The following KIF13B variants were observed in gnomAD, a reference collection of about 807,000 sequenced individuals.
KIF13B encodes the protein kinesin family member 13B.
In KIF13B, 127 loss-of-function variants were observed where a neutral mutation model predicts 222.0. The ratio of observed to expected loss-of-function variants is 0.57; its 90% CI spans 0.50 to 0.66. KIF13B has a LOEUF of 0.66. KIF13B is among the 30% of genes least tolerant of loss of function. KIF13B has a pLI of 0.00. For missense variants in KIF13B, 2,173 were observed against 2,379.0 expected, an observed-to-expected ratio of 0.91 and a Z score of 1.80; for synonymous variants, 976 against 919.0, an observed-to-expected ratio of 1.06 and a Z score of -1.12.
At position 29,109,930 on chromosome 8, in the gene KIF13B, A is replaced by G; in HGVS notation, c.4071T>C (p.Asp1357=). The change falls in exon 33 of 40, where the codon GAT becomes GAC. Residue 1357 remains aspartate, a synonymous_variant. Coordinates refer to ENST00000524189, the MANE Select transcript of KIF13B (RefSeq NM_015254.4). ...GCGGTTGGCTAACCTGGCGCAGACG[A>G]TCTAAAGTCAGGAGGTTTTCTACAG... ...VLAVENLLTL[D]RLRQEVAVKE... 1 of 1,613,630 alleles carries G rather than the reference A, an allele frequency of 6.2e-7. No individual in the cohort carries two copies. The highest frequency in any genetic ancestry group is 1.1e-5 in the South Asian group (1 of 90,944).
intron 35 of KIF13B, among the ~76,000 whole-genome samples, chr8:29,106,337 TAA>T (rs531716993): frequency 7.2e-5 from 11 of 152,110 alleles, no homozygotes; most frequent in African/African-American, 2.4e-4. Context: ...ATCTAGATCT[TAA>T]AAGAGTCTAC....
intron 18 of KIF13B, 105 bp downstream of exon 18, chr8:29,146,273 T>C: frequency 8.7e-7 from 1 of 1,144,878 alleles, no homozygotes; most frequent in South Asian, 1.2e-5. Context: ...GGATCTGGAC[T>C]TGGGGCAGGC....
intron 10 of KIF13B, among the ~76,000 whole-genome samples, 181 bp downstream of exon 10, chr8:29,175,887 T>C (rs1011103717): frequency 2.0e-5 from 3 of 152,222 alleles, no homozygotes; most frequent in African/African-American, 7.2e-5. Flanking sequence ...AGGATGTGAA[T>C]TGCTAGGAAA....
intron 3 of KIF13B, among the ~76,000 whole-genome samples, chr8:29,195,551 C>A (rs1368677268): frequency 6.6e-6 from 1 of 152,166 alleles, no homozygotes; most frequent in African/African-American, 2.4e-5. Context: ...AAAAACAAAA[C>A]CCCAAGAATG....
intron 2 of KIF13B, among the ~76,000 whole-genome samples, chr8:29,233,301 C>T (rs569239646): frequency 6.6e-6 from 1 of 152,312 alleles, no homozygotes; most frequent in South Asian, 2.1e-4. Context: ...GCCACCCTAA[C>T]CCCAAAAGGA....
At chr8:29,182,984 A>G (rs1812775066) in intron 6 of KIF13B, among the ~76,000 whole-genome samples, 1 of 152,122 alleles carries the variant, frequency 6.6e-6, no homozygotes, top group Non-Finnish European at 1.5e-5. Context: ...TGTACTCCAT[A>G]AACATATACA....
chr8:29,116,738 C>A (rs955630658), intron 31 of KIF13B, 93 bp downstream of exon 31: 1 of 1,187,080 alleles, frequency 8.4e-7, no homozygotes, highest in East Asian at 2.5e-5. Context: ...CTTCCGGGAG[C>A]CTGTTTGGAC....
At chr8:29,140,333 A>G (rs2279444) in intron 20 of KIF13B, 135 bp downstream of exon 20, 233,238 of 1,379,352 alleles carry the variant, frequency 0.17, 21,335 homozygotes, top group Admixed American at 0.35. Flanking sequence ...CAGTTACTCT[A>G]CCCTAAGAGT....
At chr8:29,170,422 C>T (rs759447340) in intron 10 of KIF13B, among the ~76,000 whole-genome samples, 3 of 152,188 alleles carry the variant, frequency 2.0e-5, no homozygotes, top group Non-Finnish European at 4.4e-5. Flanking sequence ...AGGGAGGATG[C>T]TGGTAAGTAA....
chr8:29,218,296 T>G (rs1397001864), intron 2 of KIF13B, among the ~76,000 whole-genome samples: 1 of 152,170 alleles, frequency 6.6e-6, no homozygotes, highest in African/African-American at 2.4e-5. Context: ...GCCTAGGAAT[T>G]AGGTTAACCA....
At chr8:29,143,841 T>C (rs1810929446) in intron 18 of KIF13B, among the ~76,000 whole-genome samples, 1 of 151,456 alleles carries the variant, frequency 6.6e-6, no homozygotes, top group East Asian at 1.9e-4. Flanking sequence ...AGACTCTGTC[T>C]CAAAAAAAAT....
At chr8:29,106,307 G>A (rs1809064115) in intron 35 of KIF13B, among the ~76,000 whole-genome samples, 1 of 152,176 alleles carries the variant, frequency 6.6e-6, no homozygotes, top group Non-Finnish European at 1.5e-5. Flanking sequence ...ATGTATCATA[G>A]TGTAGGCAAA....
Position 29,214,800 on chromosome 8 carries a change from T to C in KIF13B, c.150-18601A>G, listed in dbSNP as rs1326115528. On this transcript the variant is annotated intron_variant, in intron 2 of 39. Coordinates refer to ENST00000524189, the MANE Select transcript of KIF13B (RefSeq NM_015254.4). ...TCACCATAAATGCATCAGTAATGCATAGCACTACAACTTTACCAATGGCTG... is the reference window on the plus strand; with the variant it reads ...TCACCATAAATGCATCAGTAATGCACAGCACTACAACTTTACCAATGGCTG... 1.3e-5 allele frequency among the ~76,000 whole-genome samples: 2 copies of C among 152,342 alleles called. 1 individual carries two copies. The highest frequency in any genetic ancestry group is 1.3e-4 in the Admixed American group (2 of 15,306).
At chr8:29,257,006 C>T (rs1266266240) in intron 1 of KIF13B, among the ~76,000 whole-genome samples, 5 of 152,164 alleles carry the variant, frequency 3.3e-5, no homozygotes, top group African/African-American at 9.7e-5. Context: ...CCACCCACCT[C>T]GGCCTCCCAA....
intron 37 of KIF13B, 65 bp from the exon 38 acceptor site, chr8:29,075,408 G>A (rs117163065): frequency 0.012 from 16,819 of 1,428,960 alleles, 152 homozygotes; most frequent in Non-Finnish European, 0.014. Flanking sequence ...AAAGGTTTCC[G>A]CTGCACAGGC....
rs887441990 is a variant in KIF13B, at chr8:29,132,323, C to T, written c.2927G>A (p.Arg976His). 21 of 1,553,888 alleles carry T rather than the reference C, an allele frequency of 1.4e-5. No homozygotes were observed. The highest frequency in any genetic ancestry group is 2.8e-5 in the African/African-American group (2 of 71,798). ...WDLGIIQAKT[R>H]SLRDRWSEVT... ...TAATATTCACCTGTCCCGAAGACTACGTGTCTTTGCTTGGATGATTCCCAA... is the reference window on the plus strand; with the variant it reads ...TAATATTCACCTGTCCCGAAGACTATGTGTCTTTGCTTGGATGATTCCCAA... The change falls in exon 23 of 40, where the codon CGT (arginine) becomes CAT (histidine). Residue 976 changes from arginine to histidine, a missense_variant. By Grantham distance (29) the Arg-to-His change is conservative. Around this residue, in one of 2 missense-constraint regions of KIF13B, gnomAD observed 1,480 missense variants for 1,722.8 expected, o/e 0.86. Transcript: ENST00000524189.
chr8:29,180,850 AC>A (rs1294222979), intron 7 of KIF13B, among the ~76,000 whole-genome samples: 1 of 152,132 alleles, frequency 6.6e-6, no homozygotes, highest in Non-Finnish European at 1.5e-5. Context: ...AAAACAGTTA[AC>A]CAACCTGGAT....
At chr8:29,183,998 C>A (rs1002261360) in intron 6 of KIF13B, among the ~76,000 whole-genome samples, 5 of 152,174 alleles carry the variant, frequency 3.3e-5, no homozygotes, top group Admixed American at 6.5e-5. Flanking sequence ...ACTCTTAAAT[C>A]TAAAATCTAT....
rs539041846 is a variant in KIF13B at position 29,174,368 on chromosome 8, CA to C, written c.945+1699del. 3.8e-4 allele frequency among the ~76,000 whole-genome samples: 58 copies of C among 152,096 alleles called. No homozygotes were observed. The South Asian group carries it at 6.2e-3, about 16-fold the overall frequency. Reference sequence around the variant, plus strand: ...TTTTCTAATTACAGAAAAAAAACTACAAAACATTTTTGTTAGTCTTACAGAA... The same window carrying C: ...TTTTCTAATTACAGAAAAAAAACTACAAACATTTTTGTTAGTCTTACAGAA... On this transcript the variant is annotated intron_variant, in intron 10 of 39. Coordinates refer to ENST00000524189, the MANE Select transcript of KIF13B (RefSeq NM_015254.4).
Sources: gnomAD v4.1 joint callset for allele counts (sites outside exome capture counted in the v4.1 genomes callset) on GRCh38, gnomAD v4.1.1 for gene constraint, gnomAD v4.1.1 regional missense constraint, MANE v1.5 for transcripts, NCBI Gene and HGNC (gene_info 2026-07-23, HGNC 2026-07-21) for gene names.